The following CATSPERT variants were observed in gnomAD, a reference collection of about 807,000 sequenced individuals.
CATSPERT encodes the protein cation channel sperm-associated targeting subunit tau.
chr2:201,537,630 G>C, the CATSPERT span: 3 of 546,796 alleles, frequency 5.5e-6, no homozygotes, highest in Non-Finnish European at 9.5e-6. Flanking sequence ...ACACTACTTA[G>C]TATAAACAAG....
chr2:201,518,814 T>A, the CATSPERT span, among the ~76,000 whole-genome samples: 1 of 152,208 alleles, frequency 6.6e-6, no homozygotes, highest in African/African-American at 2.4e-5. Context: ...TCTGCTGCCT[T>A]TAGGTCCTTA....
the CATSPERT span, among the ~76,000 whole-genome samples, chr2:201,500,256 T>C: frequency 6.6e-6 from 1 of 151,970 alleles, no homozygotes; most frequent in African/African-American, 2.4e-5. Flanking sequence ...GGCTCACACC[T>C]GTAATCTCAG....
At chr2:201,590,823 T>A in the CATSPERT span, among the ~76,000 whole-genome samples, 1 of 151,660 alleles carries the variant, frequency 6.6e-6, no homozygotes, top group African/African-American at 2.4e-5. Flanking sequence ...GCCCACTTTT[T>A]GATGGGGTTG....
the CATSPERT span, among the ~76,000 whole-genome samples, chr2:201,588,871 C>A: frequency 6.6e-6 from 1 of 151,968 alleles, no homozygotes; most frequent in Non-Finnish European, 1.5e-5. Context: ...CATAGTCTCA[C>A]CCCAAAAGCT....
the CATSPERT span, chr2:201,487,475 G>T: frequency 3.9e-6 from 3 of 772,170 alleles, no homozygotes; most frequent in East Asian, 5.4e-5. Context: ...GATGAAATTT[G>T]GTTGCTGACT....
the CATSPERT span, among the ~76,000 whole-genome samples, chr2:201,513,207 C>T: frequency 2.0e-5 from 3 of 151,928 alleles, no homozygotes; most frequent in Non-Finnish European, 4.4e-5. Context: ...GGACTAATAT[C>T]CACAACCTAT....
At chr2:201,614,201 A>G in the CATSPERT span, among the ~76,000 whole-genome samples, 2 of 152,194 alleles carry the variant, frequency 1.3e-5, no homozygotes, top group Non-Finnish European at 2.9e-5. Context: ...TTCAGGAAAT[A>G]CAGAGAATGC....
At chr2:201,493,000 T>TG in the CATSPERT span, 25 of 1,536,524 alleles carry the variant, frequency 1.6e-5, no homozygotes, top group Non-Finnish European at 2.0e-5. Flanking sequence ...AAAATCCTCT[T>TG]GGAGTTCTTC....
the CATSPERT span, among the ~76,000 whole-genome samples, chr2:201,596,537 T>C: frequency 3.3e-5 from 5 of 152,190 alleles, no homozygotes; most frequent in African/African-American, 1.2e-4. Context: ...AGTTTACCTA[T>C]GTACCAAGCC....
the CATSPERT span, among the ~76,000 whole-genome samples, chr2:201,612,391 T>C: frequency 6.2e-4 from 94 of 152,004 alleles, no homozygotes; most frequent in African/African-American, 1.8e-3. Context: ...ATGATCAACA[T>C]GGCAAAACCC....
At chr2:201,491,232 TC>T in the CATSPERT span, 1 of 1,537,722 alleles carries the variant, frequency 6.5e-7, no homozygotes, top group Non-Finnish European at 8.7e-7. Flanking sequence ...TTAGGTGAAT[TC>T]TTGTGGTGGG....
chr2:201,601,716 T>C, the CATSPERT span: 5 of 1,595,506 alleles, frequency 3.1e-6, no homozygotes, highest in African/African-American at 4.0e-5. Context: ...CATTCTAATA[T>C]CTAGAAGAGA....
the CATSPERT span, chr2:201,604,530 G>A: frequency 1.2e-6 from 1 of 801,536 alleles, no homozygotes; most frequent in Non-Finnish European, 1.9e-6. Context: ...CGCCATCAGA[G>A]AGAACCATTT....
chr2:201,577,055 G>T, the CATSPERT span, among the ~76,000 whole-genome samples: 1 of 152,152 alleles, frequency 6.6e-6, no homozygotes, highest in East Asian at 1.9e-4. Context: ...TCCATACTTG[G>T]CCTATGTGAC....
the CATSPERT span, among the ~76,000 whole-genome samples, chr2:201,530,497 A>G: frequency 6.6e-6 from 1 of 152,230 alleles, no homozygotes; most frequent in African/African-American, 2.4e-5. Context: ...GGTTGATTCC[A>G]AGTACAGAAT....
chr2:201,560,314 C>T, the CATSPERT span, among the ~76,000 whole-genome samples: 1 of 151,740 alleles, frequency 6.6e-6, no homozygotes, highest in Admixed American at 6.6e-5. Flanking sequence ...ATTCCAGCTA[C>T]TCGGAGGCTG....
the CATSPERT span, among the ~76,000 whole-genome samples, chr2:201,617,359 G>C: frequency 6.6e-6 from 1 of 152,098 alleles, no homozygotes; most frequent in Non-Finnish European, 1.5e-5. Context: ...CCAAAACAGA[G>C]ATATAGACCA....
the CATSPERT span, among the ~76,000 whole-genome samples, chr2:201,488,990 G>C: frequency 6.6e-6 from 1 of 152,172 alleles, no homozygotes; most frequent in Non-Finnish European, 1.5e-5. Context: ...GATTACTGGA[G>C]TGGCAGTGGA....
At chr2:201,590,703 T>C in the CATSPERT span, among the ~76,000 whole-genome samples, 4 of 152,314 alleles carry the variant, frequency 2.6e-5, no homozygotes, top group African/African-American at 7.2e-5. Context: ...TGGTATCTCA[T>C]TGTGGTTTTG....
Sources: gnomAD v4.1 joint callset for allele counts (sites outside exome capture counted in the v4.1 genomes callset) on GRCh38, gnomAD v4.1.1 for gene constraint, MANE v1.5 for transcripts, NCBI Gene and HGNC (gene_info 2026-07-23, HGNC 2026-07-21) for gene names.